NCOR1: variants seen among roughly 807,000 people sequenced by gnomAD.
The protein encoded by NCOR1 is protein phosphatase 1, regulatory subunit 109.
A neutral mutation model predicts 288.1 loss-of-function variants in NCOR1; 63 were observed. That is an observed-to-expected ratio of 0.22 (90% CI 0.18 to 0.27). NCOR1 has a LOEUF of 0.27. NCOR1 is among the 10% of genes least tolerant of loss of function. The pLI is 1.00. For synonymous variants in NCOR1, 1,007 were observed against 1,065.9 expected (o/e 0.94, Z 1.08); for missense variants, 2,397 against 3,019.2 (o/e 0.79, Z 4.83).
At chr17:16,075,436 T>C (rs756093437) in intron 27 of NCOR1, 98 bp downstream of exon 27, 4 of 1,342,558 alleles carry the variant, frequency 3.0e-6, no homozygotes, top group South Asian at 1.4e-5. Flanking sequence ...TCAGCAAAGA[T>C]AAACTGACTC....
intron 26 of NCOR1, among the ~76,000 whole-genome samples, chr17:16,075,926 G>A (rs966827081): frequency 5.9e-5 from 9 of 152,122 alleles, no homozygotes; most frequent in African/African-American, 2.2e-4. Flanking sequence ...ATTATGACAC[G>A]TACATTAGGT....
intron 3 of NCOR1, among the ~76,000 whole-genome samples, chr17:16,179,801 G>A (rs2084998861): frequency 1.3e-5 from 2 of 152,016 alleles, no homozygotes; most frequent in Non-Finnish European, 1.5e-5. Flanking sequence ...GGATCACGAG[G>A]TCAGGAGATC....
intron 26 of NCOR1, among the ~76,000 whole-genome samples, chr17:16,079,543 G>C (rs2152808223): frequency 6.6e-6 from 1 of 152,226 alleles, no homozygotes; most frequent in Middle Eastern, 3.4e-3. Flanking sequence ...CACATTTCCT[G>C]GTTTAGCATT....
At chr17:16,072,331 A>G (rs2061852884) in intron 28 of NCOR1, 103 bp from the exon 29 acceptor site, 2 of 785,958 alleles carry the variant, frequency 2.5e-6, no homozygotes, top group East Asian at 2.7e-5. Flanking sequence ...TAAATGCTCT[A>G]TGAAGGAAGG....
At chr17:16,042,117 T>A (rs753787299) in intron 42 of NCOR1, among the ~76,000 whole-genome samples, 1 of 151,258 alleles carries the variant, frequency 6.6e-6, no homozygotes, top group African/African-American at 2.4e-5. Context: ...AGAGTGCATG[T>A]GCCTAGAAAC....
chr17:16,145,793 G>A (rs1019815434), intron 10 of NCOR1, among the ~76,000 whole-genome samples: 3 of 152,230 alleles, frequency 2.0e-5, no homozygotes, highest in African/African-American at 7.2e-5. Context: ...CGTCTGGGAG[G>A]TGTGCCCAAC....
intron 14 of NCOR1, among the ~76,000 whole-genome samples, chr17:16,135,712 T>C (rs2153232550): frequency 6.6e-6 from 1 of 152,210 alleles, no homozygotes; most frequent in East Asian, 1.9e-4. Context: ...CAAGAAATAC[T>C]GTTTCCAAAG....
At position 16,098,269 on chromosome 17, in the gene NCOR1, A is replaced by AT. The variant is rs2066998783; in HGVS notation, c.2820+97dup. ...ATTTCATGTTATGTTTTGTACCACT[A>AT]TTTTTTTAATCAAGAACCAATTAAA... is the stretch of plus-strand genomic sequence containing the variant. On this transcript the variant is annotated intron_variant, in intron 21 of 45. Transcript: ENST00000268712. 4.1e-6 allele frequency: 5 copies of AT among 1,227,608 alleles called. No homozygotes were observed. In the East Asian group the frequency reaches 7.1e-5, roughly 18 times the overall value. The allele number at this position is 1,227,608 out of a possible 1,614,324, so 76.0% of individuals were successfully genotyped here. A position where few individuals can be genotyped will look rare whatever the true frequency, so the allele number is the denominator to read the frequency against.
In NCOR1 at chr17:16,071,588, T is replaced by A. The variant is rs377065966; in HGVS notation, c.3973A>T (p.Ile1325Leu). The change falls in exon 30 of 46, where the codon ATA (isoleucine) becomes TTA (leucine). Residue 1325 changes from isoleucine (I) to leucine (L), a missense_variant. Physicochemically the swap from Ile to Leu is conservative, Grantham distance 5 (BLOSUM62 2). Around this residue, in one of 11 missense-constraint regions of NCOR1, gnomAD observed 1,872 missense variants for 2,187.8 expected, o/e 0.86. Transcript: ENST00000268712. ...PKQIKRESPPIRAFEGAITKG... is the reference protein window; with the variant it reads ...PKQIKRESPPLRAFEGAITKG... ...GTAATGGCACCTTCAAATGCTCGTATGGGAGGACTTTCCCTTTTAATTTGT... is the reference window on the plus strand; with the variant it reads ...GTAATGGCACCTTCAAATGCTCGTAAGGGAGGACTTTCCCTTTTAATTTGT... 1.9e-6 allele frequency: 3 copies of A among 1,614,136 alleles called. No individual in the cohort carries two copies. The African/African-American group carries it at 4.0e-5, about 22-fold the overall frequency.
intron 9 of NCOR1, among the ~76,000 whole-genome samples, chr17:16,147,910 C>T (rs1332005831): frequency 3.9e-5 from 6 of 152,204 alleles, no homozygotes; most frequent in Non-Finnish European, 7.3e-5. Flanking sequence ...CTCCGCCTCC[C>T]GGGTTCAAGT....
chr17:16,125,689 G>A lies in NCOR1; in HGVS notation c.1634+393C>T, dbSNP rs529103761. On this transcript the variant is annotated intron_variant, in intron 15 of 45. Transcript: ENST00000268712. ...TGCACTCCAGCCTGGGCAACAGAGC[G>A]AGACGCCATCACAAAAAAAAAAAAA... Among the ~76,000 whole-genome samples the A allele has an allele frequency of 2.3e-5, 3 of 130,186 alleles. No homozygotes were observed. In the East Asian group the frequency reaches 6.5e-4, roughly 28 times the overall value. The allele number at this position is 130,186 out of a possible 152,430, so 85.4% of individuals were successfully genotyped here.
chr17:16,095,958 G>C (rs1314817325), intron 21 of NCOR1, among the ~76,000 whole-genome samples: 2 of 152,114 alleles, frequency 1.3e-5, no homozygotes, highest in African/African-American at 4.8e-5. Context: ...AGACATGGGA[G>C]ACTTTTCATT....
chr17:16,104,004 AC>A (rs950896522), intron 19 of NCOR1, among the ~76,000 whole-genome samples: 1 of 151,488 alleles, frequency 6.6e-6, no homozygotes, highest in Admixed American at 6.6e-5. Context: ...CTGTACCCCC[AC>A]CCCCCCAAAA....
At chr17:16,082,748 C>T (rs2063589089) in intron 23 of NCOR1, among the ~76,000 whole-genome samples, 1 of 142,010 alleles carries the variant, frequency 7.0e-6, no homozygotes, top group Non-Finnish European at 1.5e-5. Flanking sequence ...GAAGAAAGTA[C>T]AAGAATGATA....
At chr17:16,178,195 C>G (rs1359621472) in intron 3 of NCOR1, among the ~76,000 whole-genome samples, 1 of 147,516 alleles carries the variant, frequency 6.8e-6, no homozygotes, top group Non-Finnish European at 1.5e-5. Context: ...AAGAGCAAAA[C>G]TCTGTCTCAA....
Position 16,158,645 on chromosome 17 carries a change from T to C in NCOR1, c.732+115A>G, listed in dbSNP as rs538988151. 5.6e-5 allele frequency: 32 copies of C among 569,374 alleles called. No homozygotes were observed. In the East Asian group the frequency reaches 9.2e-4, roughly 16 times the overall value. 35.3% of individuals were successfully genotyped at this position (569,374 alleles called of 1,614,324 possible). ...CAAAGTTTATGAACATTCAAAATTGTAAGAGAAATCAGGTTTTAATAAAGT... is the reference window on the plus strand; with the variant it reads ...CAAAGTTTATGAACATTCAAAATTGCAAGAGAAATCAGGTTTTAATAAAGT... On this transcript the variant is annotated intron_variant, in intron 6 of 45. Transcript: ENST00000268712.
At chr17:16,185,135 T>C (rs895217760) in intron 3 of NCOR1, among the ~76,000 whole-genome samples, 2 of 151,016 alleles carry the variant, frequency 1.3e-5, no homozygotes, top group East Asian at 1.9e-4. Context: ...AGCAGACACA[T>C]AGAATGAAAA....
At chr17:16,034,731 T>C in intron 45 of NCOR1, 34 bp downstream of exon 45, 1 of 1,549,274 alleles carries the variant, frequency 6.5e-7, no homozygotes, top group Non-Finnish European at 8.8e-7. Flanking sequence ...ATTATTGCTC[T>C]GTCTCATTTT....
rs199638814 is a variant in NCOR1, at chr17:16,032,391, G to C, written c.7228C>G (p.Gln2410Glu). ...CTGTTCTGTTGGTGAGGAGCTGCTT[G>C]GTTCACCGCAGAGGGAGCACATGCA... ...PIACAPSAVN[Q>E]AAPHQQNRIW... The change falls in exon 46 of 46, where the codon CAA becomes GAA. Residue 2410 changes from glutamine (Q) to glutamate (E), a missense_variant. This residue lies in a region of NCOR1 where 1,872 missense variants were observed against 2,187.8 expected (regional missense o/e 0.86). Coordinates refer to ENST00000268712, the MANE Select transcript of NCOR1 (RefSeq NM_006311.4). 1.7e-5 allele frequency: 28 copies of C among 1,614,112 alleles called. No homozygotes were observed. Among genetic ancestry groups the C allele is most frequent in the Middle Eastern group, 1.6e-4 (1 of 6,062 alleles).
Sources: gnomAD v4.1 joint callset for allele counts (sites outside exome capture counted in the v4.1 genomes callset) on GRCh38, gnomAD v4.1.1 for gene constraint, gnomAD v4.1.1 regional missense constraint, MANE v1.5 for transcripts, NCBI Gene and HGNC (gene_info 2026-07-23, HGNC 2026-07-21) for gene names.